The following TMEM108 variants were observed in gnomAD, a reference collection of about 807,000 sequenced individuals.
TMEM108 encodes the protein transmembrane protein 108.
TMEM108 carries 12 observed loss-of-function variants against 35.1 expected under a neutral mutation model. The ratio of observed to expected loss-of-function variants is 0.34; its 90% CI spans 0.22 to 0.55. The LOEUF is 0.55. Ranked by LOEUF, TMEM108 falls within the 20% of genes least tolerant of loss-of-function variation. The pLI is 0.89. For synonymous variants in TMEM108, 287 were observed against 308.6 expected, an observed-to-expected ratio of 0.93 and a Z score of 0.73; for missense variants, 680 against 753.3, an observed-to-expected ratio of 0.90 and a Z score of 1.14.
chr3:133,371,134 T>C lies in TMEM108; in HGVS notation c.41-8618T>C, dbSNP rs867720255. Among the ~76,000 whole-genome samples, 9 of 152,318 alleles carry C rather than the reference T, an allele frequency of 5.9e-5. 1 individual carries two copies. In the Middle Eastern group the frequency reaches 0.031, roughly 518 times the overall value. On this transcript the variant is annotated intron_variant, in intron 3 of 5. Transcript: ENST00000321871. Reference sequence around the variant, plus strand: ...CCAGCACTTAAAAGCCCTTGATGTCTCAATCCAGAGTGGTCACTGAAAGAG... The same window carrying C: ...CCAGCACTTAAAAGCCCTTGATGTCCCAATCCAGAGTGGTCACTGAAAGAG...
intron 3 of TMEM108, among the ~76,000 whole-genome samples, chr3:133,231,630 A>C (rs1381917466): frequency 1.3e-5 from 2 of 152,228 alleles, no homozygotes; most frequent in Admixed American, 6.5e-5. Context: ...TATCTGAGGA[A>C]GTAAGACCAA....
At chr3:133,052,620 T>A (rs1943418871) in intron 2 of TMEM108, among the ~76,000 whole-genome samples, 1 of 152,078 alleles carries the variant, frequency 6.6e-6, no homozygotes, top group Non-Finnish European at 1.5e-5. Flanking sequence ...TAGTTTCTAG[T>A]TTCTCACCAT....
chr3:133,089,982 T>C (rs1001239672), intron 2 of TMEM108, among the ~76,000 whole-genome samples: 1 of 152,194 alleles, frequency 6.6e-6, no homozygotes, highest in Admixed American at 6.5e-5. Flanking sequence ...AGGCAAGTTC[T>C]TACTCTGTCA....
At chr3:133,133,013 T>A (rs938125821) in intron 2 of TMEM108, among the ~76,000 whole-genome samples, 2 of 152,204 alleles carry the variant, frequency 1.3e-5, no homozygotes, top group African/African-American at 4.8e-5. Flanking sequence ...AATCTCATGA[T>A]AAAACTTGAA....
chr3:133,102,288 C>T (rs925561957), intron 2 of TMEM108, among the ~76,000 whole-genome samples: 1 of 152,154 alleles, frequency 6.6e-6, no homozygotes, highest in South Asian at 2.1e-4. Flanking sequence ...GGAGCTGGTT[C>T]AGTGGAGGCC....
At chr3:133,047,325 C>T (rs1340449403) in intron 2 of TMEM108, among the ~76,000 whole-genome samples, 1 of 152,114 alleles carries the variant, frequency 6.6e-6, no homozygotes, top group East Asian at 1.9e-4. Flanking sequence ...TCCTGTATAT[C>T]CTCTATTTTA....
intron 2 of TMEM108, among the ~76,000 whole-genome samples, chr3:133,064,149 A>G (rs780340310): frequency 1.3e-5 from 2 of 152,250 alleles, no homozygotes; most frequent in African/African-American, 2.4e-5. Context: ...GAATTGAGAT[A>G]CTGTCTGCAG....
At chr3:133,064,463 T>C (rs756917447) in intron 2 of TMEM108, among the ~76,000 whole-genome samples, 13 of 152,314 alleles carry the variant, frequency 8.5e-5, no homozygotes, top group Non-Finnish European at 1.9e-4. Context: ...TTTGTATAAA[T>C]AAAGAGATTC....
At chr3:133,327,665 C>G (rs1162723254) in intron 3 of TMEM108, among the ~76,000 whole-genome samples, 2 of 152,146 alleles carry the variant, frequency 1.3e-5, no homozygotes, top group African/African-American at 4.8e-5. Flanking sequence ...GTCAGTCTTG[C>G]TACTTCATTG....
At chr3:133,261,525 T>G (rs1946622304) in intron 3 of TMEM108, among the ~76,000 whole-genome samples, 1 of 152,238 alleles carries the variant, frequency 6.6e-6, no homozygotes, top group African/African-American at 2.4e-5. Flanking sequence ...TGCCCACTCC[T>G]GAGACTTACT....
At chr3:133,122,047 T>G (rs918207382) in intron 2 of TMEM108, among the ~76,000 whole-genome samples, 1 of 152,192 alleles carries the variant, frequency 6.6e-6, no homozygotes, top group Non-Finnish European at 1.5e-5. Flanking sequence ...TGTATTTTTC[T>G]TTGATTAAAC....
intron 2 of TMEM108, among the ~76,000 whole-genome samples, chr3:133,151,587 A>G (rs1944801860): frequency 1.3e-5 from 2 of 152,172 alleles, no homozygotes; most frequent in African/African-American, 4.8e-5. Context: ...ACTCGAGGGG[A>G]AAATCATTGA....
intron 3 of TMEM108, among the ~76,000 whole-genome samples, chr3:133,230,188 T>C (rs1275276470): frequency 1.3e-5 from 2 of 152,212 alleles, no homozygotes; most frequent in Non-Finnish European, 2.9e-5. Context: ...GCTGAGTGGC[T>C]CCTTGTTAAC....
At chr3:133,042,216 G>A (rs1285254742) in intron 1 of TMEM108, among the ~76,000 whole-genome samples, 1 of 152,146 alleles carries the variant, frequency 6.6e-6, no homozygotes, top group Non-Finnish European at 1.5e-5. Flanking sequence ...TCTGCCTGAG[G>A]TATAGGATGC....
chr3:133,123,479 C>G (rs1944378499), intron 2 of TMEM108, among the ~76,000 whole-genome samples: 1 of 152,286 alleles, frequency 6.6e-6, no homozygotes, highest in East Asian at 1.9e-4. Flanking sequence ...TCGTGTTTCT[C>G]CACACCCTTG....
At chr3:133,189,557 A>G (rs1286873887) in intron 2 of TMEM108, among the ~76,000 whole-genome samples, 1 of 152,226 alleles carries the variant, frequency 6.6e-6, no homozygotes, top group Non-Finnish European at 1.5e-5. Context: ...AGATAATCAC[A>G]TGATTTTTTA....
chr3:133,223,291 G>C (rs1399313500), intron 2 of TMEM108, among the ~76,000 whole-genome samples: 1 of 152,158 alleles, frequency 6.6e-6, no homozygotes, highest in East Asian at 1.9e-4. Context: ...GTCTGATGTT[G>C]TCCATTAGCA....
At chr3:133,118,154 G>C (rs980352185) in intron 2 of TMEM108, among the ~76,000 whole-genome samples, 6 of 152,080 alleles carry the variant, frequency 3.9e-5, no homozygotes, top group South Asian at 4.2e-4. Context: ...ACTTACGCTA[G>C]GTTCTCTGAC....
chr3:133,340,719 T>G (rs1239765440), intron 3 of TMEM108, among the ~76,000 whole-genome samples: 1 of 151,876 alleles, frequency 6.6e-6, no homozygotes, highest in African/African-American at 2.4e-5. Context: ...CAGAAGATCA[T>G]TCATCATGAC....
Sources: gnomAD v4.1 joint callset for allele counts (sites outside exome capture counted in the v4.1 genomes callset) on GRCh38, gnomAD v4.1.1 for gene constraint, MANE v1.5 for transcripts, NCBI Gene and HGNC (gene_info 2026-07-23, HGNC 2026-07-21) for gene names.